The following SOBP variants were observed in gnomAD, a reference collection of about 807,000 sequenced individuals.
SOBP encodes sine oculis binding protein homolog.
SOBP carries 4 observed loss-of-function variants against 53.6 expected under a neutral mutation model. The ratio of observed to expected loss-of-function variants is 0.07; its 90% CI spans 0.04 to 0.17. SOBP has a LOEUF of 0.17. Ranked by LOEUF, SOBP falls within the 10% of genes least tolerant of loss-of-function variation. The pLI is 1.00. For synonymous variants in SOBP, 584 were observed against 522.6 expected (o/e 1.12, Z -1.60); for missense variants, 1,088 against 1,204.7 (o/e 0.90, Z 1.43).
chr6:107,644,132 G>T (rs1473013829), intron 6 of SOBP, among the ~76,000 whole-genome samples: 1 of 152,092 alleles, frequency 6.6e-6, no homozygotes, highest in Non-Finnish European at 1.5e-5. Flanking sequence ...GGGAAACCCT[G>T]TCTCTACTAA....
chr6:107,644,633 A>C (rs1771478202), intron 6 of SOBP, among the ~76,000 whole-genome samples: 2 of 152,224 alleles, frequency 1.3e-5, no homozygotes, highest in African/African-American at 4.8e-5. Context: ...ATGGCTGGCA[A>C]AATACAACTT....
Position 107,634,782 on chromosome 6 carries a change from G to T in SOBP, c.1938G>T (p.Leu646=). Residue 646 remains leucine, a synonymous_variant, in exon 6 of 7, where the codon CTG becomes CTT. Transcript: ENST00000317357. This position sits in a 1 kb window ranked among gnomAD's most constrained non-coding sequence, Gnocchi z 4.5. ...GCCAGCTCGGCTTCCCAGGCGTGCT[G>T]CAGGGCCCGCAGGACGGCGTCATCG... ...AGGQLGFPGV[L]QGPQDGVIDL... 1 of 1,392,148 alleles carries T rather than the reference G, an allele frequency of 7.2e-7. No individual in the cohort carries two copies. The highest frequency in any genetic ancestry group is 9.3e-7 in the Non-Finnish European group (1 of 1,071,066). The allele number at this position is 1,392,148 out of a possible 1,614,324, so 86.2% of individuals were successfully genotyped here. A position where few individuals can be genotyped will look rare whatever the true frequency, so the allele number is the denominator to read the frequency against.
At chr6:107,610,933 A>G (rs1198800016) in intron 5 of SOBP, among the ~76,000 whole-genome samples, 1 of 152,256 alleles carries the variant, frequency 6.6e-6, no homozygotes, top group Non-Finnish European at 1.5e-5. Flanking sequence ...CATAGTTACC[A>G]TTTGTAGAGT....
At chr6:107,511,076 T>C (rs1325442258) in intron 3 of SOBP, among the ~76,000 whole-genome samples, 1 of 152,192 alleles carries the variant, frequency 6.6e-6, no homozygotes, top group Non-Finnish European at 1.5e-5. Context: ...AATAGCATAT[T>C]AGATATTAAA....
intron 4 of SOBP, among the ~76,000 whole-genome samples, chr6:107,553,294 ATTAT>A (rs1784515034): frequency 7.2e-6 from 1 of 137,996 alleles, no homozygotes; most frequent in African/African-American, 2.7e-5. Flanking sequence ...CGGGCTTATT[ATTAT>A]TTTATTTATT....
chr6:107,621,157 C>G, intron 5 of SOBP: 1 of 825,230 alleles, frequency 1.2e-6, no homozygotes, highest in Non-Finnish European at 1.5e-6. Flanking sequence ...AGGAAAGGAG[C>G]TATATAAATA....
chr6:107,541,636 G>A (rs762225821), intron 4 of SOBP, among the ~76,000 whole-genome samples: 2 of 152,088 alleles, frequency 1.3e-5, no homozygotes, highest in Non-Finnish European at 2.9e-5. Context: ...GACATTCCAT[G>A]GTAAAGCAGT....
rs370953337 is a variant in SOBP at position 107,614,066 on chromosome 6, C to A, written c.670-19448C>A. 1.1e-4 allele frequency among the ~76,000 whole-genome samples: 16 copies of A among 152,310 alleles called. No homozygotes were observed. In the East Asian group the frequency reaches 2.5e-3, roughly 24 times the overall value. On this transcript the variant is annotated intron_variant, in intron 5 of 6. Transcript: ENST00000317357. ...AATGAAATGGAAGTGTAAGGCAGAG[C>A]AGCCTGGCCCATGATGGTCTGGATG...
At chr6:107,648,243 T>C (rs897965994) in intron 6 of SOBP, among the ~76,000 whole-genome samples, 4 of 152,208 alleles carry the variant, frequency 2.6e-5, no homozygotes, top group Non-Finnish European at 4.4e-5. Flanking sequence ...AGTAAACATC[T>C]GGCTTTTTTG....
rs1414124256 is a variant in SOBP at position 107,529,549 on chromosome 6, A to T, written c.422-3910A>T. The T allele has an allele frequency of 6.1e-6, 6 of 985,446 alleles. No individual in the cohort carries two copies. The African/African-American group carries it at 8.7e-5, about 14-fold the overall frequency. 61.0% of individuals were successfully genotyped at this position (985,446 alleles called of 1,614,324 possible). A position where few individuals can be genotyped will look rare whatever the true frequency, so the allele number is the denominator to read the frequency against. On this transcript the variant is annotated intron_variant, in intron 3 of 6. Transcript: ENST00000317357. ...CATGAAAGTTACAAAGGGGTGGTAAATCTACAGTTTAATTGCCTGGAGTCC... is the reference window on the plus strand; with the variant it reads ...CATGAAAGTTACAAAGGGGTGGTAATTCTACAGTTTAATTGCCTGGAGTCC...
intron 6 of SOBP, among the ~76,000 whole-genome samples, chr6:107,643,237 G>C (rs1771405117): frequency 6.6e-6 from 1 of 152,172 alleles, no homozygotes; most frequent in South Asian, 2.1e-4. Flanking sequence ...GAGCAAGAAT[G>C]ATCAGGTTTA....
rs1554190321 is a variant in SOBP at position 107,633,820 on chromosome 6, C to T, written c.976C>T (p.Pro326Ser). The stretch of plus-strand genomic sequence containing the variant: ...AGCTGGCCAAAGCCAGGGCCCTGGC[C>T]CGTCGGCGTCCACCACCGTCTCTCC... ...ATAGQSQGPGPSASTTVSPSD... is the reference protein window; with the variant it reads ...ATAGQSQGPGSSASTTVSPSD... Residue 326 changes from proline to serine, a missense_variant, in exon 6 of 7, where the codon CCG (proline) becomes TCG (serine). Physicochemically the swap from Pro to Ser is moderately conservative, Grantham distance 74. Around this residue, in one of 6 missense-constraint regions of SOBP, gnomAD observed 211 missense variants for 258.9 expected, o/e 0.82. Coordinates refer to ENST00000317357, the MANE Select transcript of SOBP (RefSeq NM_018013.4). 4.3e-6 allele frequency: 7 copies of T among 1,614,122 alleles called. No individual in the cohort carries two copies. Among genetic ancestry groups the T allele is most frequent in the Middle Eastern group, 1.6e-4 (1 of 6,062 alleles).
At chr6:107,615,921 C>A (rs1786765235) in intron 5 of SOBP, among the ~76,000 whole-genome samples, 1 of 151,240 alleles carries the variant, frequency 6.6e-6, no homozygotes, top group African/African-American at 2.4e-5. Flanking sequence ...ACTCAAGAGG[C>A]TGGGGTTGGA....
intron 1 of SOBP, among the ~76,000 whole-genome samples, chr6:107,498,233 T>C (rs894935743): frequency 3.3e-5 from 5 of 152,148 alleles, no homozygotes; most frequent in African/African-American, 1.2e-4. Context: ...ATGGGAATTA[T>C]GTTTATGGGG....
intron 1 of SOBP, among the ~76,000 whole-genome samples, chr6:107,494,396 G>T (rs576046069): frequency 2.0e-5 from 3 of 152,294 alleles, no homozygotes; most frequent in South Asian, 2.1e-4. Context: ...TCTACTAGTG[G>T]ATGTGTAAGC....
intron 3 of SOBP, 102 bp downstream of exon 3, chr6:107,506,529 T>C: frequency 1.2e-5 from 16 of 1,285,980 alleles, no homozygotes; most frequent in Non-Finnish European, 1.8e-5. Flanking sequence ...TGGTAGAGGC[T>C]GTTTTAGGGA....
chr6:107,619,128 A>C (rs954263336), intron 5 of SOBP, among the ~76,000 whole-genome samples: 1 of 152,168 alleles, frequency 6.6e-6, no homozygotes, highest in Non-Finnish European at 1.5e-5. Flanking sequence ...TACAACTGGT[A>C]ATTGCATCCT....
At position 107,635,055 on chromosome 6, in the gene SOBP, C is replaced by T. The variant is rs1274986947; in HGVS notation, c.2211C>T (p.Ser737=). The T allele has an allele frequency of 9.9e-6, 15 of 1,519,338 alleles. No individual in the cohort carries two copies. The highest frequency in any genetic ancestry group is 2.6e-5 in the East Asian group (1 of 39,182). 94.1% of individuals were successfully genotyped at this position (1,519,338 alleles called of 1,614,324 possible). A position where few individuals can be genotyped will look rare whatever the true frequency, so the allele number is the denominator to read the frequency against. Residue 737 remains serine (S), a synonymous_variant, in exon 6 of 7, where the codon AGC becomes AGT. Transcript: ENST00000317357. This position sits in a 1 kb window ranked among gnomAD's most constrained non-coding sequence, Gnocchi z 4.5. ...GCGCCGCCGCCGAGGGCGCTAAGAG[C>T]GCGGAGCCGCCTCCCGAGCAGCCGC... ...TRGAAAEGAK[S]AEPPPEQPPP... is the part of the protein sequence containing the mutation.
At chr6:107,547,172 C>G (rs1032540589) in intron 4 of SOBP, among the ~76,000 whole-genome samples, 1 of 152,152 alleles carries the variant, frequency 6.6e-6, no homozygotes, top group Non-Finnish European at 1.5e-5. Flanking sequence ...AATGAGGTAA[C>G]CTGACATCAG....
Sources: allele counts gnomAD v4.1 joint callset (sites outside exome capture counted in the v4.1 genomes callset), GRCh38; gene constraint gnomAD v4.1.1; regional missense constraint gnomAD v4.1.1; non-coding constraint Gnocchi (gnomAD v3.1); transcripts MANE v1.5; gene names NCBI Gene and HGNC (gene_info 2026-07-23, HGNC 2026-07-21).